The following ZFX variants were observed in gnomAD, a reference collection of about 807,000 sequenced individuals.
ZFX encodes the protein zinc finger X-chromosomal protein.
For missense variants in ZFX, 362 were observed against 628.3 expected, an observed-to-expected ratio of 0.58 and a Z score of 4.53; for synonymous variants, 196 against 226.8, an observed-to-expected ratio of 0.86 and a Z score of 1.22.
intron 5 of ZFX, among the ~76,000 whole-genome samples, chrX:24,199,521 G>A (rs1169139354): frequency 1.8e-5 from 2 of 111,103 alleles, no homozygotes; most frequent in African/African-American, 6.5e-5. Context: ...CTCCCAAAGA[G>A]CTGGGATTAT....
intron 8 of ZFX, 151 bp from the exon 9 acceptor site, chrX:24,208,749 A>G: frequency 1.6e-6 from 1 of 621,102 alleles, no homozygotes; most frequent in Non-Finnish European, 2.4e-6. Flanking sequence ...GCGATAATAA[A>G]TGTGCTCATA....
intron 5 of ZFX, among the ~76,000 whole-genome samples, chrX:24,183,220 T>C (rs1297173503): frequency 8.9e-6 from 1 of 112,043 alleles, no homozygotes; most frequent in African/African-American, 3.2e-5. Flanking sequence ...AGTCTCACTC[T>C]GTTGCCCAGG....
At chrX:24,203,118 A>C (rs1225126663) in intron 5 of ZFX, among the ~76,000 whole-genome samples, 10 of 111,632 alleles carry the variant, frequency 9.0e-5, no homozygotes. Flanking sequence ...TACCCCAGTC[A>C]CTCAGTCACC....
At chrX:24,171,905 G>GGAGAGAGAGAGA (rs1213136127) in intron 3 of ZFX, among the ~76,000 whole-genome samples, 1 of 41,897 alleles carries the variant, frequency 2.4e-5, no homozygotes, top group Non-Finnish European at 4.7e-5. Flanking sequence ...AGAGAGAGAA[G>GGAGAGAGAGAGA]GAGAGAGAGA....
intron 3 of ZFX, among the ~76,000 whole-genome samples, chrX:24,155,936 C>A (rs1932766244): frequency 8.9e-6 from 1 of 111,757 alleles, no homozygotes; most frequent in Non-Finnish European, 1.9e-5. Flanking sequence ...GCTCTGTTGC[C>A]CAGGCTGGAG....
chrX:24,185,788 G>A (rs1936058441), intron 5 of ZFX, among the ~76,000 whole-genome samples: 1 of 111,554 alleles, frequency 9.0e-6, no homozygotes, highest in African/African-American at 3.3e-5. Flanking sequence ...TATTGAGGTC[G>A]GGCACAATGG....
At chrX:24,156,518 G>A (rs1932793435) in intron 3 of ZFX, among the ~76,000 whole-genome samples, 1 of 111,360 alleles carries the variant, frequency 9.0e-6, no homozygotes, top group Non-Finnish European at 1.9e-5. Context: ...AAATGGTTCA[G>A]CGTTTCTCCC....
chrX:24,200,619 C>T (rs1051418415), intron 5 of ZFX, among the ~76,000 whole-genome samples: 2 of 112,420 alleles, frequency 1.8e-5, no homozygotes, highest in Admixed American at 9.4e-5. Flanking sequence ...TTTCTTCCAT[C>T]CTTTTATTTG....
chrX:24,167,298 T>C (rs760767631), intron 3 of ZFX, among the ~76,000 whole-genome samples: 1 of 111,621 alleles, frequency 9.0e-6, no homozygotes, highest in Admixed American at 9.6e-5. Context: ...AGATAGGACT[T>C]CTGTGATCTG....
intron 3 of ZFX, among the ~76,000 whole-genome samples, chrX:24,162,610 T>C (rs1188799247): frequency 8.9e-6 from 1 of 112,074 alleles, no homozygotes; most frequent in Non-Finnish European, 1.9e-5. Context: ...TATAAAGTGA[T>C]AACTGACATC....
rs1328794650 is a variant in ZFX, at chrX:24,213,463, G to C, written c.*2087G>C. On this transcript the variant is annotated 3_prime_UTR_variant, in exon 10 of 10. Coordinates refer to ENST00000304543, the MANE Select transcript of ZFX (RefSeq NM_003410.4). The stretch of plus-strand genomic sequence containing the variant: ...ACCTTTCATCTTTCTCTTTGCCATT[G>C]ATGTTTGTATTCAAGAGTTATATTT... 1 of 111,298 alleles carries C rather than the reference G, an allele frequency of 9.0e-6. No homozygotes were observed. Among genetic ancestry groups the C allele is most frequent in the African/African-American group, 3.3e-5 (1 of 30,482 alleles). The allele number at this position is 111,298 out of a possible 1,213,427, so 9.2% of individuals were successfully genotyped here.
intron 4 of ZFX, among the ~76,000 whole-genome samples, chrX:24,173,399 T>C (rs758439146): frequency 9.0e-6 from 1 of 110,939 alleles, no homozygotes; most frequent in Non-Finnish European, 1.9e-5. Context: ...TATAACTCTC[T>C]CTCTTGCAAG....
chrX:24,162,025 A>T (rs374720036), intron 3 of ZFX, among the ~76,000 whole-genome samples: 37 of 105,084 alleles, frequency 3.5e-4, no homozygotes, highest in African/African-American at 1.2e-3. Flanking sequence ...CAAGAGCAAG[A>T]TTGCTTTCTC....
chrX:24,201,152 A>T (rs1158839775), intron 5 of ZFX, among the ~76,000 whole-genome samples: 2 of 112,431 alleles, frequency 1.8e-5, no homozygotes, highest in East Asian at 2.8e-4. Context: ...GGACCATAAA[A>T]GTGTCTTTTT....
intron 4 of ZFX, among the ~76,000 whole-genome samples, chrX:24,173,408 A>G (rs1175286714): frequency 9.0e-6 from 1 of 111,149 alleles, no homozygotes; most frequent in African/African-American, 3.3e-5. Context: ...CTCTCTTGCA[A>G]GTTCCCAAAA....
At chrX:24,149,041 C>G (rs1034736469), upstream of ZFX, 1 of 111,121 alleles carries the variant, frequency 9.0e-6, no homozygotes. Flanking sequence ...ACTCCACCCC[C>G]CTTCCCGCAC....
rs965958518 is a variant in ZFX at position 24,215,664 on chromosome X, T to G, written c.*4288T>G. On this transcript the variant is annotated 3_prime_UTR_variant, in exon 10 of 10. Coordinates refer to ENST00000304543, the MANE Select transcript of ZFX (RefSeq NM_003410.4). ...GAGAAAAATAGGACCCCAGACAGTT[T>G]ATACCTTCCATTTGCTGTTTTAAAA... The G allele has an allele frequency of 9.0e-6, 1 of 111,163 alleles. No homozygotes were observed. The highest frequency in any genetic ancestry group is 1.9e-5 in the Non-Finnish European group (1 of 53,043). 9.2% of individuals were successfully genotyped at this position (111,163 alleles called of 1,213,427 possible). A position where few individuals can be genotyped will look rare whatever the true frequency, so the allele number is the denominator to read the frequency against.
chrX:24,186,050 T>G (rs755096043), intron 5 of ZFX, among the ~76,000 whole-genome samples: 52 of 111,558 alleles, frequency 4.7e-4, no homozygotes, highest in African/African-American at 1.6e-3. Context: ...GCTGATTTAA[T>G]CCATGATAGA....
intron 3 of ZFX, among the ~76,000 whole-genome samples, chrX:24,161,524 G>A (rs191125656): frequency 9.0e-6 from 1 of 111,347 alleles, no homozygotes; most frequent in Non-Finnish European, 1.9e-5. Flanking sequence ...ATTAGTGGGC[G>A]CAAAGCCAGA....
Sources: allele counts gnomAD v4.1 joint callset (sites outside exome capture counted in the v4.1 genomes callset), GRCh38; gene constraint gnomAD v4.1.1; transcripts MANE v1.5; gene names NCBI Gene and HGNC (gene_info 2026-07-23, HGNC 2026-07-21).